Variants in CHST11 observed in about 807,000 individuals in gnomAD.
The protein encoded by CHST11 is carbohydrate sulfotransferase 11.
Under a neutral mutation model 30.4 loss-of-function variants are expected in CHST11, and 9 were observed. The observed-to-expected ratio is 0.30, with a 90% CI of 0.18 to 0.52. The LOEUF (loss-of-function observed/expected upper bound fraction) is 0.52. CHST11 is among the 20% of genes least tolerant of loss of function. The pLI, the probability that CHST11 is intolerant of heterozygous loss-of-function variation, is 0.97. For missense variants in CHST11, 348 were observed against 460.6 expected (o/e 0.76, Z 2.24); for synonymous variants, 152 against 187.8 (o/e 0.81, Z 1.56).
rs1391733811 is a variant in CHST11 at position 104,513,127 on chromosome 12, G to A, written c.118+55598G>A. ...AGTGCTTCCAAATGTCATGACTGGG[G>A]GGGGGGGGGGTTGGGGGTGGGGAGG... is the stretch of plus-strand genomic sequence containing the variant. On this transcript the variant is annotated intron_variant, in intron 1 of 2. Coordinates refer to ENST00000303694, the MANE Select transcript of CHST11 (RefSeq NM_018413.6). Among the ~76,000 whole-genome samples, 3 of 107,694 alleles carry A rather than the reference G, an allele frequency of 2.8e-5. 1 individual carries two copies. Among genetic ancestry groups the A allele is most frequent in the Non-Finnish European group, 5.7e-5 (3 of 52,946 alleles). 70.7% of individuals were successfully genotyped at this position (107,694 alleles called of 152,430 possible).
chr12:104,505,333 C>CA (rs1230016326), intron 1 of CHST11, among the ~76,000 whole-genome samples: 1 of 152,248 alleles, frequency 6.6e-6, no homozygotes, highest in Admixed American at 6.5e-5. Context: ...GCACCCCCCA[C>CA]ACCCCCCCAG....
At chr12:104,543,507 CT>C (rs563999892) in intron 1 of CHST11, among the ~76,000 whole-genome samples, 101 of 152,294 alleles carry the variant, frequency 6.6e-4, no homozygotes, top group African/African-American at 2.3e-3. Flanking sequence ...GCTTTTTATG[CT>C]TTTAAACTGT....
intron 2 of CHST11, among the ~76,000 whole-genome samples, chr12:104,633,976 TC>T (rs2039298456): frequency 6.6e-6 from 1 of 152,134 alleles, no homozygotes; most frequent in Non-Finnish European, 1.5e-5. Flanking sequence ...CCTCTCCTAT[TC>T]CCTTCCCTTG....
intron 2 of CHST11, among the ~76,000 whole-genome samples, chr12:104,723,136 G>C (rs990542258): frequency 1.7e-4 from 26 of 151,996 alleles, no homozygotes; most frequent in Admixed American, 1.7e-3. Flanking sequence ...ACCTCCCCTG[G>C]GAGTCATGAT....
At chr12:104,633,413 T>C (rs1305432866) in intron 2 of CHST11, among the ~76,000 whole-genome samples, 1 of 32,422 alleles carries the variant, frequency 3.1e-5, no homozygotes, top group Non-Finnish European at 7.0e-5. Flanking sequence ...TCCCTCTGTC[T>C]TTTTTTTTTT....
intron 1 of CHST11, among the ~76,000 whole-genome samples, chr12:104,524,548 C>T (rs898143060): frequency 6.6e-6 from 1 of 152,026 alleles, no homozygotes; most frequent in Non-Finnish European, 1.5e-5. Context: ...TCTACTTATC[C>T]ACCTTACCAT....
intron 1 of CHST11, among the ~76,000 whole-genome samples, chr12:104,537,738 T>C (rs1415226347): frequency 2.3e-5 from 3 of 130,608 alleles, no homozygotes; most frequent in Non-Finnish European, 4.7e-5. Flanking sequence ...CTCTGTTCCC[T>C]AGGCTGGAGT....
chr12:104,569,534 T>G (rs923719131), intron 1 of CHST11, among the ~76,000 whole-genome samples: 4 of 152,156 alleles, frequency 2.6e-5, no homozygotes, highest in African/African-American at 9.7e-5. Flanking sequence ...CACACAGAGC[T>G]CTGTGGCTGA....
intron 2 of CHST11, among the ~76,000 whole-genome samples, chr12:104,681,974 GCACCCGC>G (rs1325789185): frequency 6.6e-6 from 1 of 151,680 alleles, no homozygotes; most frequent in African/African-American, 2.4e-5. Context: ...GGGACTACAG[GCACCCGC>G]CACCACACCC....
At chr12:104,479,741 G>A (rs1565956453) in intron 1 of CHST11, among the ~76,000 whole-genome samples, 2 of 152,192 alleles carry the variant, frequency 1.3e-5, no homozygotes, top group South Asian at 2.1e-4. Context: ...GAAAATGGCC[G>A]CATGAACTTT....
At chr12:104,461,935 A>C (rs1255691604) in intron 1 of CHST11, among the ~76,000 whole-genome samples, 1 of 152,086 alleles carries the variant, frequency 6.6e-6, no homozygotes, top group Non-Finnish European at 1.5e-5. Flanking sequence ...AGTCCAAGGC[A>C]GGTGGATCAC....
chr12:104,623,964 C>T (rs999258754), intron 2 of CHST11, among the ~76,000 whole-genome samples: 13 of 152,052 alleles, frequency 8.5e-5, no homozygotes, highest in Admixed American at 1.3e-4. Context: ...GGCAAATGAA[C>T]AGAATGACCA....
intron 1 of CHST11, among the ~76,000 whole-genome samples, chr12:104,544,925 T>C (rs1001465652): frequency 6.6e-6 from 1 of 152,156 alleles, no homozygotes; most frequent in Non-Finnish European, 1.5e-5. Flanking sequence ...AAGTATGCCA[T>C]TGTTTTGTCC....
At chr12:104,602,936 C>T (rs917345960) in intron 2 of CHST11, among the ~76,000 whole-genome samples, 1 of 151,918 alleles carries the variant, frequency 6.6e-6, no homozygotes. Context: ...CCCTACCCCC[C>T]TTCCCAATCT....
intron 2 of CHST11, among the ~76,000 whole-genome samples, chr12:104,670,514 C>T (rs1407177145): frequency 6.6e-6 from 1 of 151,438 alleles, no homozygotes; most frequent in African/African-American, 2.4e-5. Flanking sequence ...CACACAAACA[C>T]ATCCATACAC....
chr12:104,503,799 C>T (rs1484832601), intron 1 of CHST11, among the ~76,000 whole-genome samples: 2 of 152,108 alleles, frequency 1.3e-5, no homozygotes, highest in Admixed American at 1.3e-4. Context: ...TTCTCTGTGG[C>T]CAGGGATTGC....
At chr12:104,535,845 G>T (rs2038231471) in intron 1 of CHST11, among the ~76,000 whole-genome samples, 1 of 152,180 alleles carries the variant, frequency 6.6e-6, no homozygotes, top group African/African-American at 2.4e-5. Flanking sequence ...ATAGACATAT[G>T]AAAGAGATCA....
In CHST11 at chr12:104,712,299, GC is replaced by G. The variant is rs2040094458; in HGVS notation, c.205-44648del. Among the ~76,000 whole-genome samples, 3 of 152,186 alleles carry G rather than the reference GC, an allele frequency of 2.0e-5. No individual in the cohort carries two copies. The East Asian group carries it at 5.8e-4, about 29-fold the overall frequency. ...GGGGTGAAACTCAAGTTTGGAGTGT[GC>G]CTTCAGCATCTCACCTTGACTCCTC... is the stretch of plus-strand genomic sequence containing the variant. On this transcript the variant is annotated intron_variant, in intron 2 of 2. Coordinates refer to ENST00000303694, the MANE Select transcript of CHST11 (RefSeq NM_018413.6).
chr12:104,487,472 G>A (rs1283962264), intron 1 of CHST11, among the ~76,000 whole-genome samples: 1 of 152,136 alleles, frequency 6.6e-6, no homozygotes, highest in Non-Finnish European at 1.5e-5. Context: ...ATGTTGCCCC[G>A]GCTGGTCTTG....
Sources: gnomAD v4.1 joint callset for allele counts (sites outside exome capture counted in the v4.1 genomes callset) on GRCh38, gnomAD v4.1.1 for gene constraint, MANE v1.5 for transcripts, NCBI Gene and HGNC (gene_info 2026-07-23, HGNC 2026-07-21) for gene names.